The following CNTN1 variants were observed in gnomAD, a reference collection of about 807,000 sequenced individuals.
The protein encoded by CNTN1 is contactin-1.
CNTN1 carries 38 observed loss-of-function variants against 126.4 expected under a neutral mutation model. The observed-to-expected ratio is 0.30, with a 90% CI of 0.23 to 0.39. The LOEUF (loss-of-function observed/expected upper bound fraction) is 0.39. Among genes scored for constraint, CNTN1 ranks in the 10% least tolerant of loss-of-function variants. The pLI, the probability that CNTN1 is intolerant of heterozygous loss-of-function variation, is 1.00. For missense variants in CNTN1, 1,009 were observed against 1,248.4 expected (o/e 0.81, Z 2.89); for synonymous variants, 413 against 422.6 (o/e 0.98, Z 0.28).
chr12:40,966,712 C>A (rs1566055772), intron 15 of CNTN1, among the ~76,000 whole-genome samples: 1 of 152,114 alleles, frequency 6.6e-6, no homozygotes, highest in East Asian at 1.9e-4. Flanking sequence ...AGAATTTTTT[C>A]AAATATGGCC....
intron 19 of CNTN1, 110 bp downstream of exon 19, chr12:41,017,026 C>A (rs1948796868): frequency 2.4e-6 from 2 of 818,174 alleles, no homozygotes; most frequent in Non-Finnish European, 4.2e-6. Context: ...CTTTTTATAG[C>A]ATTATGCATT....
chr12:40,775,304 A>G (rs1939534394), intron 1 of CNTN1, among the ~76,000 whole-genome samples: 1 of 151,464 alleles, frequency 6.6e-6, no homozygotes, highest in African/African-American at 2.4e-5. Flanking sequence ...TGTTTCTTTA[A>G]TATAAATGAA....
chr12:40,921,385 A>G (rs190325119), intron 4 of CNTN1, among the ~76,000 whole-genome samples: 1 of 152,310 alleles, frequency 6.6e-6, no homozygotes, highest in East Asian at 1.9e-4. Context: ...ATAAACCCTG[A>G]TAAAGAATGA....
intron 1 of CNTN1, among the ~76,000 whole-genome samples, chr12:40,801,471 T>G (rs1040167992): frequency 3.3e-5 from 5 of 151,938 alleles, no homozygotes; most frequent in African/African-American, 1.2e-4. Flanking sequence ...GTAATAGAGA[T>G]AAGGTAGAAT....
intron 1 of CNTN1, among the ~76,000 whole-genome samples, chr12:40,719,414 AT>A (rs1267274426): frequency 2.6e-5 from 4 of 152,172 alleles, no homozygotes; most frequent in Non-Finnish European, 4.4e-5. Flanking sequence ...TTGCTGTATA[AT>A]TTCTAAGCTT....
intron 1 of CNTN1, among the ~76,000 whole-genome samples, chr12:40,872,019 C>T (rs1300439366): frequency 6.6e-6 from 1 of 152,104 alleles, no homozygotes; most frequent in Non-Finnish European, 1.5e-5. Context: ...TGATAAAAAA[C>T]TATTTTTACT....
chr12:40,898,717 G>C (rs183049599), intron 1 of CNTN1, among the ~76,000 whole-genome samples: 1 of 152,092 alleles, frequency 6.6e-6, no homozygotes, highest in Non-Finnish European at 1.5e-5. Flanking sequence ...CCATGTTGAC[G>C]TCTCTTAATC....
At chr12:40,865,358 C>T (rs915548871) in intron 1 of CNTN1, among the ~76,000 whole-genome samples, 3 of 152,014 alleles carry the variant, frequency 2.0e-5, no homozygotes, top group African/African-American at 7.2e-5. Flanking sequence ...TTAATGAAGT[C>T]TAATTCTATT....
intron 23 of CNTN1, among the ~76,000 whole-genome samples, chr12:41,046,401 T>A (rs1213534706): frequency 6.6e-6 from 1 of 152,158 alleles, no homozygotes; most frequent in East Asian, 1.9e-4. Context: ...CTCATATATT[T>A]CAGCTGTTGA....
Position 40,813,044 on chromosome 12 carries a change from TTTCTTTC to T in CNTN1, c.-76-95310_-76-95304del, listed in dbSNP as rs768607961. Reference sequence around the variant, plus strand: ...TCTTTCTTTCTCTTTCTTTCCTTTCTTTCTTTCTTTCTTTCTTCCTTCCTTCCTTCCT... The same window carrying T: ...TCTTTCTTTCTCTTTCTTTCCTTTCTTTTCTTTCTTCCTTCCTTCCTTCCT... On this transcript the variant is annotated intron_variant, in intron 1 of 23. Coordinates refer to ENST00000551295, the MANE Select transcript of CNTN1 (RefSeq NM_001843.4). Among the ~76,000 whole-genome samples the T allele has an allele frequency of 1.1e-3, 142 of 124,038 alleles. 1 individual carries two copies. Among genetic ancestry groups the T allele is most frequent in the South Asian group, 1.9e-3 (7 of 3,646 alleles). The allele number at this position is 124,038 out of a possible 152,430, so 81.4% of individuals were successfully genotyped here.
chr12:41,019,621 A>G (rs750105967), intron 19 of CNTN1, among the ~76,000 whole-genome samples: 15 of 152,236 alleles, frequency 9.9e-5, no homozygotes, highest in Non-Finnish European at 2.2e-4. Context: ...TTCATAAGGG[A>G]TGTCAGTTAC....
At chr12:41,013,192 T>C (rs1003328401) in intron 17 of CNTN1, among the ~76,000 whole-genome samples, 3 of 152,124 alleles carry the variant, frequency 2.0e-5, no homozygotes, top group Admixed American at 6.5e-5. Flanking sequence ...CCTAATCTTA[T>C]TATGCAAATA....
At chr12:40,969,815 C>T (rs1372673184) in intron 15 of CNTN1, among the ~76,000 whole-genome samples, 1 of 152,122 alleles carries the variant, frequency 6.6e-6, no homozygotes. Flanking sequence ...AACTTTGAAT[C>T]CACTTTATCC....
chr12:40,755,302 TTTTCTTA>T (rs549077686), intron 1 of CNTN1, among the ~76,000 whole-genome samples: 2,170 of 151,944 alleles, frequency 0.014, 45 homozygotes, highest in African/African-American at 0.05. Context: ...TACTTTTTCA[TTTTCTTA>T]TTTCTTATTT....
chr12:41,028,434 A>C (rs1269439092), intron 22 of CNTN1, among the ~76,000 whole-genome samples: 1 of 152,196 alleles, frequency 6.6e-6, no homozygotes, highest in African/African-American at 2.4e-5. Context: ...AGTGAATTTC[A>C]GCAAAATGTT....
intron 17 of CNTN1, among the ~76,000 whole-genome samples, chr12:41,007,378 A>T (rs1370002286): frequency 6.6e-6 from 1 of 152,112 alleles, no homozygotes; most frequent in Non-Finnish European, 1.5e-5. Flanking sequence ...GTGTTTTTAA[A>T]GAGAAATTTC....
At chr12:40,841,201 C>T (rs780493916) in intron 1 of CNTN1, among the ~76,000 whole-genome samples, 1 of 151,850 alleles carries the variant, frequency 6.6e-6, no homozygotes, top group Non-Finnish European at 1.5e-5. Flanking sequence ...TGGATAAATT[C>T]CTAGAAACAT....
At chr12:41,007,482 A>G (rs998525052) in intron 17 of CNTN1, among the ~76,000 whole-genome samples, 4 of 152,134 alleles carry the variant, frequency 2.6e-5, no homozygotes, top group Non-Finnish European at 4.4e-5. Flanking sequence ...TAGGACATGG[A>G]CTCACACGAG....
At chr12:40,871,887 G>GA (rs1317005211) in intron 1 of CNTN1, among the ~76,000 whole-genome samples, 1 of 151,994 alleles carries the variant, frequency 6.6e-6, no homozygotes, top group African/African-American at 2.4e-5. Flanking sequence ...ACTTGACACA[G>GA]AAAAAATCTG....
Sources: gnomAD v4.1 joint callset for allele counts (sites outside exome capture counted in the v4.1 genomes callset) on GRCh38, gnomAD v4.1.1 for gene constraint, MANE v1.5 for transcripts, NCBI Gene and HGNC (gene_info 2026-07-23, HGNC 2026-07-21) for gene names.